The following XKR9 variants were observed in gnomAD, a reference collection of about 807,000 sequenced individuals.
XKR9 encodes XK-related protein 9.
Under a neutral mutation model 32.0 loss-of-function variants are expected in XKR9, and 32 were observed. The ratio of observed to expected loss-of-function variants is 1.00; its 90% CI spans 0.76 to 1.34. The LOEUF (loss-of-function observed/expected upper bound fraction) is 1.34, where lower values mean the gene tolerates loss of function less well. XKR9 is among the 40% of genes most tolerant of loss of function. XKR9 has a pLI of 0.00. For synonymous variants in XKR9, 168 were observed against 143.4 expected, an observed-to-expected ratio of 1.17 and a Z score of -1.22; for missense variants, 546 against 429.7, an observed-to-expected ratio of 1.27 and a Z score of -2.39.
chr8:71,061,935 C>T, the XKR9 span, among the ~76,000 whole-genome samples: 1 of 152,208 alleles, frequency 6.6e-6, no homozygotes, highest in East Asian at 1.9e-4. Flanking sequence ...GTTATGATTA[C>T]TGCTTGATTA....
the XKR9 span, among the ~76,000 whole-genome samples, chr8:70,811,876 G>A: frequency 6.6e-6 from 1 of 151,954 alleles, no homozygotes; most frequent in Non-Finnish European, 1.5e-5. Flanking sequence ...GGAGGAACTG[G>A]TACCATTCCT....
chr8:70,984,773 C>G, the XKR9 span, among the ~76,000 whole-genome samples: 30 of 152,036 alleles, frequency 2.0e-4, no homozygotes, highest in Non-Finnish European at 7.4e-5. Flanking sequence ...AGGACTTAAG[C>G]CTGTGAAAAT....
chr8:70,672,629 T>G (rs891723046), intron 1 of XKR9, among the ~76,000 whole-genome samples: 1 of 152,180 alleles, frequency 6.6e-6, no homozygotes, highest in African/African-American at 2.4e-5. Flanking sequence ...TGTGTGTATT[T>G]TATACATCTC....
At chr8:70,900,112 A>AG in the XKR9 span, among the ~76,000 whole-genome samples, 2 of 150,524 alleles carry the variant, frequency 1.3e-5, no homozygotes. Context: ...AAAAAAAAAA[A>AG]TTAGTCTTTT....
At chr8:71,056,503 G>A in the XKR9 span, among the ~76,000 whole-genome samples, 4 of 152,140 alleles carry the variant, frequency 2.6e-5, no homozygotes, top group African/African-American at 9.7e-5. Flanking sequence ...AAGAATGCAG[G>A]ATCTATGGTC....
At chr8:70,853,807 T>A in the XKR9 span, among the ~76,000 whole-genome samples, 4 of 152,166 alleles carry the variant, frequency 2.6e-5, no homozygotes, top group Non-Finnish European at 5.9e-5. Context: ...GATGGTTTGC[T>A]GAGAATGATG....
At chr8:70,689,240 G>A (rs1819423911) in intron 3 of XKR9, among the ~76,000 whole-genome samples, 1 of 151,916 alleles carries the variant, frequency 6.6e-6, no homozygotes, top group Admixed American at 6.6e-5. Context: ...TAGGCCTTAA[G>A]TTGTATAAAA....
At chr8:70,745,459 CA>C (rs535606130) in intron 2 of XKR9, among the ~76,000 whole-genome samples, 19 of 152,314 alleles carry the variant, frequency 1.2e-4, no homozygotes, top group African/African-American at 4.1e-4. Flanking sequence ...ATACTCTCCT[CA>C]TAGACTAGTG....
At chr8:70,951,306 A>G in the XKR9 span, among the ~76,000 whole-genome samples, 1 of 152,204 alleles carries the variant, frequency 6.6e-6, no homozygotes, top group East Asian at 1.9e-4. Flanking sequence ...TTGAACATCC[A>G]TTTGTGATTG....
chr8:70,761,396 C>T (rs955187991), intron 2 of XKR9, among the ~76,000 whole-genome samples: 2 of 152,064 alleles, frequency 1.3e-5, no homozygotes, highest in African/African-American at 4.8e-5. Context: ...TTAATAAAAG[C>T]CACTCTGACT....
intron 4 of XKR9, among the ~76,000 whole-genome samples, chr8:70,725,357 T>A (rs541500445): frequency 1.3e-5 from 2 of 152,270 alleles, no homozygotes; most frequent in East Asian, 3.9e-4. Context: ...TGTGTATATA[T>A]GTGTGTATGT....
At chr8:71,036,667 A>T in the XKR9 span, among the ~76,000 whole-genome samples, 120 of 152,242 alleles carry the variant, frequency 7.9e-4, 2 homozygotes, top group African/African-American at 2.7e-3. Flanking sequence ...ATCAATCACA[A>T]TGGATGGTAT....
At chr8:70,711,305 C>A (rs1805911681) in intron 4 of XKR9, among the ~76,000 whole-genome samples, 1 of 152,082 alleles carries the variant, frequency 6.6e-6, no homozygotes, top group African/African-American at 2.4e-5. Context: ...AATTGTTATA[C>A]CATGAAGATG....
chr8:70,776,923 T>TCTCTCTCTCTCTCTC lies in XKR9; in HGVS notation n.353-12416_353-12415insCTCTCTCTCTCTCTC, dbSNP rs1563477157. The stretch of plus-strand genomic sequence containing the variant: ...TGCATTTAGCAGGTTTTCTCTTTCT[T>TCTCTCTCTCTCTCTC]TCTCTCTCTCTCTCTCTCTCTCTCT... On this transcript the variant is annotated intron_variant and non_coding_transcript_variant, in intron 2 of 3. Transcript: ENST00000520273. Among the ~76,000 whole-genome samples the TCTCTCTCTCTCTCTC allele has an allele frequency of 4.0e-3, 237 of 59,476 alleles. 24 individuals are homozygous for TCTCTCTCTCTCTCTC. The highest frequency in any genetic ancestry group is 5.8e-3 in the Non-Finnish European group (180 of 31,024). The allele number at this position is 59,476 out of a possible 152,430, so 39.0% of individuals were successfully genotyped here. A position where few individuals can be genotyped will look rare whatever the true frequency, so the allele number is the denominator to read the frequency against.
chr8:70,870,532 G>A, the XKR9 span, among the ~76,000 whole-genome samples: 1 of 152,142 alleles, frequency 6.6e-6, no homozygotes, highest in Non-Finnish European at 1.5e-5. Flanking sequence ...ACTGATATGT[G>A]GTCTCATAAA....
the XKR9 span, among the ~76,000 whole-genome samples, chr8:70,936,579 GCTGA>G: frequency 1.3e-5 from 2 of 152,050 alleles, no homozygotes; most frequent in South Asian, 2.1e-4. Flanking sequence ...GTGTGTATTA[GCTGA>G]CTATTGGCAA....
intron 3 of XKR9, among the ~76,000 whole-genome samples, chr8:70,698,497 G>A (rs1805379372): frequency 6.6e-6 from 1 of 152,148 alleles, no homozygotes; most frequent in African/African-American, 2.4e-5. Context: ...GAGTGGTTTT[G>A]AGTGAGTTTC....
the XKR9 span, among the ~76,000 whole-genome samples, chr8:70,986,288 T>C: frequency 6.6e-6 from 1 of 152,206 alleles, no homozygotes; most frequent in African/African-American, 2.4e-5. Flanking sequence ...TTGCAGGGAA[T>C]TCAAAAATGG....
the XKR9 span, among the ~76,000 whole-genome samples, chr8:70,902,196 A>T: frequency 2.0e-5 from 3 of 152,180 alleles, no homozygotes; most frequent in Non-Finnish European, 2.9e-5. Context: ...GAAGAAAGTC[A>T]TTGGTATCTT....
Sources: allele counts gnomAD v4.1 joint callset (sites outside exome capture counted in the v4.1 genomes callset), GRCh38; gene constraint gnomAD v4.1.1; transcripts MANE v1.5; gene names NCBI Gene and HGNC (gene_info 2026-07-23, HGNC 2026-07-21).